The following DACH2 variants were observed in gnomAD, a reference collection of about 807,000 sequenced individuals.
DACH2 encodes dachshund homolog 2.
In DACH2, 17 loss-of-function variants were observed where a neutral mutation model predicts 35.8. That is an observed-to-expected ratio of 0.48 (90% CI 0.33 to 0.71). The LOEUF (loss-of-function observed/expected upper bound fraction) is 0.71, where lower values mean the gene tolerates loss of function less well. DACH2 is among the 30% of genes least tolerant of loss of function. The pLI is 0.02. For missense variants in DACH2, 469 were observed against 472.7 expected (o/e 0.99, Z 0.07); for synonymous variants, 195 against 177.3 (o/e 1.10, Z -0.79).
chrX:86,310,666 C>A (rs1001923384), intron 1 of DACH2, among the ~76,000 whole-genome samples: 3 of 111,306 alleles, frequency 2.7e-5, no homozygotes, highest in African/African-American at 9.8e-5. Context: ...TGAGGTGTAG[C>A]CAATGGTTTG....
chrX:86,329,189 AATTAGTGAGATC>A (rs1428960878), intron 1 of DACH2, among the ~76,000 whole-genome samples: 2 of 111,180 alleles, frequency 1.8e-5, no homozygotes, highest in Non-Finnish European at 3.8e-5. Flanking sequence ...ATACACTTAT[AATTAGTGAGATC>A]ATTAGCACAA....
At chrX:86,227,344 G>C (rs1021756204) in intron 1 of DACH2, among the ~76,000 whole-genome samples, 1 of 111,610 alleles carries the variant, frequency 9.0e-6, no homozygotes, top group African/African-American at 3.2e-5. Context: ...GTTTGTCCCT[G>C]TACCCTTTGG....
At position 86,321,253 on chromosome X, in the gene DACH2, C is replaced by T. The variant is rs2035010969; in HGVS notation, c.489-55571C>T. 2.7e-5 allele frequency among the ~76,000 whole-genome samples: 3 copies of T among 111,725 alleles called. No homozygotes were observed. The Admixed American group carries it at 2.8e-4, about 11-fold the overall frequency. The stretch of plus-strand genomic sequence containing the variant: ...GGTGCAGAGGACAGTGTCATTTACA[C>T]ACTGCAAAGTTTCAACTTGAGAGTG... On this transcript the variant is annotated intron_variant, in intron 1 of 11. Transcript: ENST00000373125.
At chrX:86,682,463 T>C (rs1416795771) in intron 4 of DACH2, among the ~76,000 whole-genome samples, 3 of 111,855 alleles carry the variant, frequency 2.7e-5, no homozygotes, top group African/African-American at 9.8e-5. Flanking sequence ...GAGGATTAGG[T>C]GAATACTTTC....
At chrX:86,598,047 A>G (rs969441379) in intron 3 of DACH2, among the ~76,000 whole-genome samples, 3 of 110,914 alleles carry the variant, frequency 2.7e-5, no homozygotes, top group African/African-American at 9.8e-5. Context: ...CCTTTTAAAA[A>G]CCATCATATC....
chrX:86,411,020 T>TTATATATATATATATATA (rs36194671), intron 2 of DACH2, among the ~76,000 whole-genome samples: 1,157 of 40,454 alleles, frequency 0.029, 106 homozygotes, highest in African/African-American at 0.054. Flanking sequence ...ACTAATATGA[T>TTATATATATATATATATA]TATATATATA....
chrX:86,422,633 G>A (rs5923530), intron 2 of DACH2, among the ~76,000 whole-genome samples: 47,492 of 109,544 alleles, frequency 0.43, 8,147 homozygotes, highest in Admixed American at 0.6. Flanking sequence ...ATGGATAATG[G>A]GTTATCTATT....
intron 3 of DACH2, among the ~76,000 whole-genome samples, chrX:86,627,881 T>G (rs758570836): frequency 8.9e-6 from 1 of 111,859 alleles, no homozygotes; most frequent in South Asian, 3.7e-4. Flanking sequence ...AGTCAAAGAG[T>G]AAAACAAAGG....
chrX:86,592,295 G>A (rs763131144), intron 3 of DACH2, among the ~76,000 whole-genome samples: 68 of 111,730 alleles, frequency 6.1e-4, no homozygotes, highest in Non-Finnish European at 1.1e-3. Context: ...TCCATGACTT[G>A]CCTTTGCAGT....
intron 2 of DACH2, among the ~76,000 whole-genome samples, chrX:86,488,913 A>G (rs1164320047): frequency 7.2e-5 from 8 of 111,344 alleles, no homozygotes; most frequent in African/African-American, 2.6e-4. Flanking sequence ...TAACCACGAC[A>G]TATAATCATT....
chrX:86,605,535 G>A (rs1240781332), intron 3 of DACH2, among the ~76,000 whole-genome samples: 1 of 109,862 alleles, frequency 9.1e-6, no homozygotes, highest in African/African-American at 3.3e-5. Flanking sequence ...ATAACTTTTA[G>A]CCTCTTGTTT....
At chrX:86,456,430 A>G (rs2037476432) in intron 2 of DACH2, among the ~76,000 whole-genome samples, 1 of 111,950 alleles carries the variant, frequency 8.9e-6, no homozygotes, top group Non-Finnish European at 1.9e-5. Flanking sequence ...TCCATTTTTG[A>G]AATAACACTA....
chrX:86,683,721 AC>A (rs2040909202), intron 4 of DACH2, among the ~76,000 whole-genome samples: 1 of 111,688 alleles, frequency 9.0e-6, no homozygotes, highest in African/African-American at 3.2e-5. Flanking sequence ...TTCTAAAAAA[AC>A]TTAAATGATA....
At chrX:86,192,509 A>G (rs1323982033) in intron 1 of DACH2, among the ~76,000 whole-genome samples, 1 of 112,442 alleles carries the variant, frequency 8.9e-6, no homozygotes, top group Non-Finnish European at 1.9e-5. Context: ...GGCCAGCTAC[A>G]TAGTGAATGT....
At chrX:86,627,593 G>A (rs948803728) in intron 3 of DACH2, among the ~76,000 whole-genome samples, 1 of 111,836 alleles carries the variant, frequency 8.9e-6, no homozygotes, top group Non-Finnish European at 1.9e-5. Context: ...TCTCTTAAAA[G>A]TGGTAGATTA....
At chrX:86,570,282 G>A (rs2039348683) in intron 3 of DACH2, among the ~76,000 whole-genome samples, 1 of 111,402 alleles carries the variant, frequency 9.0e-6, no homozygotes, top group Non-Finnish European at 1.9e-5. Flanking sequence ...AAAGATACAT[G>A]CACGTGTATG....
intron 3 of DACH2, among the ~76,000 whole-genome samples, chrX:86,595,745 G>T (rs2039703751): frequency 9.3e-6 from 1 of 107,603 alleles, no homozygotes. Flanking sequence ...TATATATATA[G>T]TTTTACATAT....
At chrX:86,458,581 A>G (rs1313198620) in intron 2 of DACH2, among the ~76,000 whole-genome samples, 1 of 111,956 alleles carries the variant, frequency 8.9e-6, no homozygotes, top group Non-Finnish European at 1.9e-5. Context: ...TCATGAAATA[A>G]CACAGCATTT....
chrX:86,485,586 C>T (rs915840165), intron 2 of DACH2, among the ~76,000 whole-genome samples: 1 of 111,513 alleles, frequency 9.0e-6, no homozygotes, highest in African/African-American at 3.3e-5. Context: ...ATGATCATTA[C>T]ACTATGTATA....
Sources: allele counts gnomAD v4.1 joint callset (sites outside exome capture counted in the v4.1 genomes callset), GRCh38; gene constraint gnomAD v4.1.1; transcripts MANE v1.5; gene names NCBI Gene and HGNC (gene_info 2026-07-23, HGNC 2026-07-21).